The following HMGCLL1 variants were observed in gnomAD, a reference collection of about 807,000 sequenced individuals.
HMGCLL1 encodes the protein 3-hydroxymethyl-3-methylglutaryl-CoA lyase, cytoplasmic.
A neutral mutation model predicts 39.1 loss-of-function variants in HMGCLL1; 36 were observed. That is an observed-to-expected ratio of 0.92 (90% CI 0.71 to 1.22). The LOEUF (loss-of-function observed/expected upper bound fraction) is 1.22. HMGCLL1 is among the 50% of genes most tolerant of loss of function. The pLI is 0.00. For missense variants in HMGCLL1, 451 were observed against 416.5 expected (o/e 1.08, Z -0.72); for synonymous variants, 149 against 144.0 (o/e 1.03, Z -0.25).
the HMGCLL1 span, among the ~76,000 whole-genome samples, chr6:55,607,718 C>T: frequency 6.6e-6 from 1 of 152,146 alleles, no homozygotes; most frequent in Non-Finnish European, 1.5e-5. Flanking sequence ...TGCTTTCTTC[C>T]CTTCCCTTTC....
At chr6:55,557,339 C>T (rs984196615) in intron 1 of HMGCLL1, among the ~76,000 whole-genome samples, 3 of 151,968 alleles carry the variant, frequency 2.0e-5, no homozygotes, top group Admixed American at 6.6e-5. Context: ...CAGGCTGGTG[C>T]GCCAAAATAA....
At chr6:55,658,787 A>G in the HMGCLL1 span, among the ~76,000 whole-genome samples, 1 of 151,960 alleles carries the variant, frequency 6.6e-6, no homozygotes, top group Non-Finnish European at 1.5e-5. Flanking sequence ...GAATAATTCT[A>G]TGAAGAAGAG....
chr6:55,555,816 G>T (rs1193524162), intron 1 of HMGCLL1, among the ~76,000 whole-genome samples: 1 of 152,164 alleles, frequency 6.6e-6, no homozygotes, highest in African/African-American at 2.4e-5. Context: ...AGCTGCATTT[G>T]GTGAGGAAAT....
Position 55,434,732 on chromosome 6 carries a change from A to G in HMGCLL1, c.*930T>C, listed in dbSNP as rs1376431144. 6.6e-6 allele frequency: 1 copy of G among 152,096 alleles called. No individual in the cohort carries two copies. Among genetic ancestry groups the G allele is most frequent in the Non-Finnish European group, 1.5e-5 (1 of 68,002 alleles). The allele number at this position is 152,096 out of a possible 1,614,324, so 9.4% of individuals were successfully genotyped here. A position where few individuals can be genotyped will look rare whatever the true frequency, so the allele number is the denominator to read the frequency against. ...CCACTAAAAAATACACCAAAAAATA[A>G]TGTGGGTAAGCAAAGCACCATGAAT... is the stretch of plus-strand genomic sequence containing the variant. On this transcript the variant is annotated 3_prime_UTR_variant, in exon 9 of 9. Transcript: ENST00000274901.
chr6:55,608,516 C>T, the HMGCLL1 span, among the ~76,000 whole-genome samples: 1 of 151,752 alleles, frequency 6.6e-6, no homozygotes, highest in Non-Finnish European at 1.5e-5. Context: ...CGGATTCCCC[C>T]AAAATTAATT....
chr6:55,564,420 T>C (rs1771111570), intron 1 of HMGCLL1, among the ~76,000 whole-genome samples: 1 of 152,134 alleles, frequency 6.6e-6, no homozygotes, highest in South Asian at 2.1e-4. Context: ...CTTTAAGTTT[T>C]AGGGTACATG....
At chr6:55,523,274 G>A (rs1410682762) in intron 3 of HMGCLL1, among the ~76,000 whole-genome samples, 1 of 151,900 alleles carries the variant, frequency 6.6e-6, no homozygotes, top group Admixed American at 6.6e-5. Flanking sequence ...GAAGTCCTAG[G>A]TAAACAAGGA....
At chr6:55,608,851 C>T in the HMGCLL1 span, among the ~76,000 whole-genome samples, 1 of 152,190 alleles carries the variant, frequency 6.6e-6, no homozygotes, top group Non-Finnish European at 1.5e-5. Context: ...AAGCAGTGTG[C>T]GAATCCTGCA....
the HMGCLL1 span, among the ~76,000 whole-genome samples, chr6:55,628,615 C>G: frequency 6.6e-6 from 1 of 151,996 alleles, no homozygotes; most frequent in Admixed American, 6.6e-5. Context: ...AAGGTTTCCA[C>G]TGAAAAGTCT....
At chr6:55,649,086 G>A in the HMGCLL1 span, among the ~76,000 whole-genome samples, 2 of 152,022 alleles carry the variant, frequency 1.3e-5, no homozygotes, top group Non-Finnish European at 2.9e-5. Context: ...TCATCATTTA[G>A]TCCTTCTACT....
chr6:55,527,849 T>A (rs1768406325), intron 3 of HMGCLL1, among the ~76,000 whole-genome samples: 1 of 152,038 alleles, frequency 6.6e-6, no homozygotes, highest in African/African-American at 2.4e-5. Context: ...TCAAGGATAT[T>A]TTTTAAATAC....
At chr6:55,671,399 C>T in the HMGCLL1 span, among the ~76,000 whole-genome samples, 1 of 151,622 alleles carries the variant, frequency 6.6e-6, no homozygotes, top group Non-Finnish European at 1.5e-5. Flanking sequence ...TCATTTAAAG[C>T]CATTGAGGTT....
chr6:55,671,007 C>T, the HMGCLL1 span, among the ~76,000 whole-genome samples: 1 of 151,366 alleles, frequency 6.6e-6, no homozygotes, highest in Non-Finnish European at 1.5e-5. Flanking sequence ...GCAATATAGG[C>T]CTTAGAGAAA....
At chr6:55,469,076 T>G (rs1764915256) in intron 7 of HMGCLL1, among the ~76,000 whole-genome samples, 1 of 151,644 alleles carries the variant, frequency 6.6e-6, no homozygotes, top group Non-Finnish European at 1.5e-5. Context: ...CCCAGAGCTT[T>G]TGAAGTACTA....
chr6:55,652,984 A>C, the HMGCLL1 span, among the ~76,000 whole-genome samples: 1 of 152,124 alleles, frequency 6.6e-6, no homozygotes, highest in Admixed American at 6.6e-5. Context: ...CTCTTTACCT[A>C]GTTGCTTTAA....
the HMGCLL1 span, among the ~76,000 whole-genome samples, chr6:55,609,586 G>A: frequency 2.0e-5 from 3 of 152,240 alleles, no homozygotes; most frequent in South Asian, 6.2e-4. Flanking sequence ...AGCAGACTTA[G>A]TCTTTCCTCC....
intron 3 of HMGCLL1, among the ~76,000 whole-genome samples, chr6:55,540,589 G>C (rs924391478): frequency 1.3e-5 from 2 of 152,102 alleles, no homozygotes; most frequent in Non-Finnish European, 2.9e-5. Flanking sequence ...ATAACTGTGA[G>C]AAATAGTTCT....
intron 3 of HMGCLL1, among the ~76,000 whole-genome samples, chr6:55,516,957 C>T (rs1767774194): frequency 6.6e-6 from 1 of 152,026 alleles, no homozygotes; most frequent in Admixed American, 6.6e-5. Context: ...AGGCAATATG[C>T]TATTCATTTA....
At chr6:55,455,365 AT>A (rs5876452) in intron 7 of HMGCLL1, among the ~76,000 whole-genome samples, 30,960 of 150,852 alleles carry the variant, frequency 0.21, 3,377 homozygotes, top group East Asian at 0.43. Context: ...ATATAAAATA[AT>A]TTTTTTTTTC....
Sources: allele counts gnomAD v4.1 joint callset (sites outside exome capture counted in the v4.1 genomes callset), GRCh38; gene constraint gnomAD v4.1.1; transcripts MANE v1.5; gene names NCBI Gene and HGNC (gene_info 2026-07-23, HGNC 2026-07-21).